Variants in CCDC178 observed in about 807,000 individuals in gnomAD.
CCDC178 encodes coiled-coil domain containing 178.
Under a neutral mutation model 117.4 loss-of-function variants are expected in CCDC178, and 126 were observed. The observed-to-expected ratio is 1.07, with a 90% CI of 0.93 to 1.24. CCDC178 has a LOEUF of 1.24. Ranked by LOEUF, CCDC178 falls within the 50% of genes most tolerant of loss-of-function variation. CCDC178 has a pLI of 0.00. For synonymous variants in CCDC178, 283 were observed against 313.4 expected (o/e 0.90, Z 1.02); for missense variants, 1,030 against 986.9 (o/e 1.04, Z -0.59).
At chr18:33,117,771 C>T (rs1054954111) in intron 20 of CCDC178, among the ~76,000 whole-genome samples, 2 of 151,682 alleles carry the variant, frequency 1.3e-5, no homozygotes, top group African/African-American at 2.4e-5. Context: ...ACTTGCCTTC[C>T]CTGCTATAAA....
intron 21 of CCDC178, among the ~76,000 whole-genome samples, chr18:33,030,522 A>AAGATAGACAGATAAATAGATACAT (rs377429836): frequency 7.1e-6 from 1 of 140,778 alleles, no homozygotes; most frequent in Admixed American, 7.1e-5. Flanking sequence ...GAACTGATAG[A>AAGATAGACAGATAAATAGATACAT]AGATAGATAG....
At chr18:33,073,442 C>T (rs1186662709) in intron 21 of CCDC178, among the ~76,000 whole-genome samples, 1 of 152,120 alleles carries the variant, frequency 6.6e-6, no homozygotes, top group South Asian at 2.1e-4. Context: ...TCAGACAATT[C>T]TGTATTACTG....
intron 20 of CCDC178, among the ~76,000 whole-genome samples, chr18:33,189,231 T>C (rs2058829554): frequency 6.6e-6 from 1 of 152,150 alleles, no homozygotes; most frequent in Non-Finnish European, 1.5e-5. Flanking sequence ...ATTTGTGTCA[T>C]CTGCATAGAC....
chr18:33,082,110 T>C (rs1389035095), intron 21 of CCDC178, among the ~76,000 whole-genome samples: 4 of 152,184 alleles, frequency 2.6e-5, no homozygotes, highest in Non-Finnish European at 4.4e-5. Flanking sequence ...AGTGAATTAG[T>C]TGAGGAACCT....
chr18:33,226,691 A>C (rs1446145004), intron 16 of CCDC178, 102 bp downstream of exon 16: 1 of 710,256 alleles, frequency 1.4e-6, no homozygotes, highest in Non-Finnish European at 2.3e-6. Context: ...GCTGGCTTGC[A>C]AACCAAGTAG....
chr18:33,390,876 T>G (rs145080415), intron 4 of CCDC178, among the ~76,000 whole-genome samples: 3,421 of 151,816 alleles, frequency 0.023, 72 homozygotes, highest in Admixed American at 0.057. Flanking sequence ...CATACACACA[T>G]ACATACATAA....
chr18:33,043,451 G>C (rs2056585710), intron 21 of CCDC178, among the ~76,000 whole-genome samples: 1 of 151,918 alleles, frequency 6.6e-6, no homozygotes, highest in Non-Finnish European at 1.5e-5. Context: ...TGTGGTATTG[G>C]GCAGTTACTT....
chr18:33,020,263 A>G (rs2056086485), intron 21 of CCDC178, among the ~76,000 whole-genome samples: 1 of 151,884 alleles, frequency 6.6e-6, no homozygotes, highest in Non-Finnish European at 1.5e-5. Context: ...CACTATTAAT[A>G]TCTTATGTTT....
chr18:33,421,701 T>C (rs2144935220), intron 2 of CCDC178, among the ~76,000 whole-genome samples: 1 of 152,242 alleles, frequency 6.6e-6, no homozygotes, highest in Non-Finnish European at 1.5e-5. Flanking sequence ...ATTACAGATG[T>C]AATGGCTGAG....
chr18:33,431,704 C>G (rs1298783699), intron 2 of CCDC178, among the ~76,000 whole-genome samples: 1 of 152,154 alleles, frequency 6.6e-6, no homozygotes, highest in Non-Finnish European at 1.5e-5. Context: ...TCCTCCACCC[C>G]AAATAGCACC....
At chr18:33,394,372 AC>A (rs1410621251) in intron 4 of CCDC178, among the ~76,000 whole-genome samples, 4 of 152,006 alleles carry the variant, frequency 2.6e-5, no homozygotes. Context: ...AAGGCAGTGA[AC>A]CAAGCCAGGT....
At chr18:33,020,576 G>C (rs1318054506) in intron 21 of CCDC178, among the ~76,000 whole-genome samples, 3 of 152,154 alleles carry the variant, frequency 2.0e-5, no homozygotes, top group Non-Finnish European at 4.4e-5. Context: ...AGTTGTGAAT[G>C]TATGTGGTGT....
At chr18:33,200,130 C>T (rs185221424) in intron 20 of CCDC178, among the ~76,000 whole-genome samples, 10 of 152,264 alleles carry the variant, frequency 6.6e-5, no homozygotes, top group Admixed American at 6.5e-5. Flanking sequence ...CATCAAATAT[C>T]GTTTTTCTGT....
intron 21 of CCDC178, among the ~76,000 whole-genome samples, chr18:32,997,057 AT>A (rs1406179041): frequency 3.9e-5 from 6 of 152,188 alleles, no homozygotes; most frequent in Non-Finnish European, 1.5e-5. Context: ...ACTTCAAATC[AT>A]AATCCAAAAC....
rs146394005 is a variant in CCDC178, at chr18:32,945,934, T to A, written c.2524-7843A>T. Among the ~76,000 whole-genome samples, 157 of 152,336 alleles carry A rather than the reference T, an allele frequency of 1.0e-3. 5 individuals carry two copies. The East Asian group carries it at 0.028, about 27-fold the overall frequency. ...GTGTTTGCTTTAATTTTTTTTTAAC[T>A]TTTACATAGTCTGTGACTGAATTAT... On this transcript the variant is annotated intron_variant, in intron 22 of 22. Transcript: ENST00000383096.
chr18:33,322,909 A>G (rs1429230253), intron 11 of CCDC178, among the ~76,000 whole-genome samples: 1 of 151,404 alleles, frequency 6.6e-6, no homozygotes, highest in Non-Finnish European at 1.5e-5. Flanking sequence ...TTTTTAATAA[A>G]TAAAAATGCT....
chr18:33,306,412 TTGTGTG>T (rs71159815), intron 11 of CCDC178, among the ~76,000 whole-genome samples: 20 of 126,216 alleles, frequency 1.6e-4, no homozygotes, highest in African/African-American at 3.6e-4. Context: ...TATTGGATCT[TTGTGTG>T]TGTGTGTGTG....
At chr18:32,997,038 T>C (rs1447165987) in intron 21 of CCDC178, among the ~76,000 whole-genome samples, 2 of 152,108 alleles carry the variant, frequency 1.3e-5, no homozygotes, top group East Asian at 3.9e-4. Flanking sequence ...CTCATACCAA[T>C]TTACAAAGAC....
At chr18:33,404,093 T>G (rs2063747848) in intron 3 of CCDC178, among the ~76,000 whole-genome samples, 1 of 152,148 alleles carries the variant, frequency 6.6e-6, no homozygotes, top group Non-Finnish European at 1.5e-5. Context: ...TCTAGACTTC[T>G]TGTTAAACCT....
Sources: gnomAD v4.1 joint callset for allele counts (sites outside exome capture counted in the v4.1 genomes callset) on GRCh38, gnomAD v4.1.1 for gene constraint, MANE v1.5 for transcripts, NCBI Gene and HGNC (gene_info 2026-07-23, HGNC 2026-07-21) for gene names.